The following SUPT6H variants were observed in gnomAD, a reference collection of about 807,000 sequenced individuals.
SUPT6H encodes transcription elongation factor SPT6.
SUPT6H carries 11 observed loss-of-function variants against 222.3 expected under a neutral mutation model. That is an observed-to-expected ratio of 0.05 (90% confidence interval 0.03 to 0.08). The LOEUF (loss-of-function observed/expected upper bound fraction) is 0.08. SUPT6H is among the 10% of genes least tolerant of loss of function. The probability of loss-of-function intolerance (pLI) is 1.00; values close to 1 mark genes in which losing one functional copy is unlikely to be tolerated. For missense variants in SUPT6H, 1,422 were observed against 2,216.0 expected, an observed-to-expected ratio of 0.64 and a Z score of 7.19; for synonymous variants, 762 against 801.2, an observed-to-expected ratio of 0.95 and a Z score of 0.83.
chr17:28,679,341 C>T (rs1597698461), intron 11 of SUPT6H, among the ~76,000 whole-genome samples: 1 of 152,192 alleles, frequency 6.6e-6, no homozygotes, highest in East Asian at 1.9e-4. Flanking sequence ...CCACTGCTCT[C>T]CAGCCTGGGC....
In SUPT6H at chr17:28,684,736, A is replaced by AT. The variant is rs1272427785; in HGVS notation, c.2369+16dup. ...TTTCTCCTCTGCCAGGTAACAGCCTATTTTTGCCTCCCCAGCACCATCTCT... is the reference window on the plus strand; with the variant it reads ...TTTCTCCTCTGCCAGGTAACAGCCTATTTTTTGCCTCCCCAGCACCATCTCT... On this transcript the variant is annotated intron_variant, in intron 18 of 36. Transcript: ENST00000314616. The AT allele has an allele frequency of 6.2e-7, 1 of 1,614,044 alleles. No individual in the cohort carries two copies. The highest frequency in any genetic ancestry group is 8.5e-7 in the Non-Finnish European group (1 of 1,179,954).
At chr17:28,699,177 C>G (rs1451939028) in intron 32 of SUPT6H, among the ~76,000 whole-genome samples, 2 of 152,302 alleles carry the variant, frequency 1.3e-5, no homozygotes, top group East Asian at 3.9e-4. Context: ...TCTGTGCATT[C>G]TCATTTATCC....
At chr17:28,687,267 C>T (rs2031430079) in intron 22 of SUPT6H, 37 bp from the exon 23 acceptor site, 1 of 1,614,000 alleles carries the variant, frequency 6.2e-7, no homozygotes, top group Non-Finnish European at 8.5e-7. Flanking sequence ...AAGGGAAAGG[C>T]AGAGTAACCT....
chr17:28,676,644 A>G (rs1713744642), intron 7 of SUPT6H, among the ~76,000 whole-genome samples: 2 of 152,198 alleles, frequency 1.3e-5, no homozygotes. Context: ...TGTGAAATGC[A>G]GTCTGGGTGC....
chr17:28,684,923 C>T lies in SUPT6H; in HGVS notation c.2449C>T (p.Arg817Trp), dbSNP rs754179448. ...CCTTCGACTGCCCCATTTTACCAAA[C>T]GGCGAACTGCATGGAGAGAGGAAGA... ...DFLRLPHFTK[R>W]RTAWREEERE... The change falls in exon 19 of 37, where the codon CGG becomes TGG. Residue 817 changes from arginine to tryptophan, a missense_variant. Coordinates refer to ENST00000314616, the MANE Select transcript of SUPT6H (RefSeq NM_003170.5). 11 of 1,614,018 alleles carry T rather than the reference C, an allele frequency of 6.8e-6. No homozygotes were observed. The highest frequency in any genetic ancestry group is 3.3e-5 in the Admixed American group (2 of 59,984).
rs548593855 is a variant in SUPT6H, at chr17:28,683,510, A to T, written c.2033+88A>T. ...AAGGGCCCCTCAGGAGTGGGGAACCACAATTTCAGAGTTGAGCAGGCTGTT... is the reference window on the plus strand; with the variant it reads ...AAGGGCCCCTCAGGAGTGGGGAACCTCAATTTCAGAGTTGAGCAGGCTGTT... On this transcript the variant is annotated intron_variant, in intron 16 of 36. Coordinates refer to ENST00000314616, the MANE Select transcript of SUPT6H (RefSeq NM_003170.5). 6.9e-6 allele frequency: 11 copies of T among 1,587,198 alleles called. No homozygotes were observed. The East Asian group carries it at 2.5e-4, about 36-fold the overall frequency.
rs756901877 is a variant in SUPT6H at position 28,701,064 on chromosome 17, C to T, written c.4930C>T (p.Pro1644Ser). The change falls in exon 36 of 37, where the codon CCA (proline) becomes TCA (serine). Residue 1644 changes from proline to serine, a missense_variant. Physicochemically the swap from Pro to Ser is moderately conservative, Grantham distance 74. This residue lies in a region of SUPT6H where 395 missense variants were observed against 580.6 expected (regional missense o/e 0.68). Transcript: ENST00000314616. ...CCACCAGCTCCAGGCCAGCACCACC[C>T]CACAGTCGGCCCAGGCCCAGCCCCA... ...QYHQLQASTTPQSAQAQPQPS... is the reference protein window; with the variant it reads ...QYHQLQASTTSQSAQAQPQPS... The T allele has an allele frequency of 1.2e-6, 2 of 1,614,048 alleles. No individual in the cohort carries two copies. The highest frequency in any genetic ancestry group is 1.1e-5 in the South Asian group (1 of 91,076).
At chr17:28,679,487 T>C (rs1454365756) in intron 11 of SUPT6H, among the ~76,000 whole-genome samples, 1 of 152,076 alleles carries the variant, frequency 6.6e-6, no homozygotes, top group Non-Finnish European at 1.5e-5. Context: ...AATTCAAGGT[T>C]GCAGTGAGCT....
chr17:28,674,238 A>G (rs1357431718), intron 2 of SUPT6H, 45 bp from the exon 3 acceptor site: 2 of 1,611,296 alleles, frequency 1.2e-6, no homozygotes, highest in Admixed American at 1.7e-5. Flanking sequence ...CTGAACCTCT[A>G]GCCTGTTTTT....
intron 27 of SUPT6H, chr17:28,691,455 G>C (rs972412412): frequency 4.0e-5 from 7 of 172,914 alleles, no homozygotes; most frequent in African/African-American, 1.7e-4. Flanking sequence ...GAACCGAGGA[G>C]GCGGAGTTTG....
rs142868050 is a variant in SUPT6H, at chr17:28,695,718, C to T, written c.3970+171C>T. Among the ~76,000 whole-genome samples, 131 of 152,240 alleles carry T rather than the reference C, an allele frequency of 8.6e-4. No homozygotes were observed. In the East Asian group the frequency reaches 0.022, roughly 25 times the overall value. On this transcript the variant is annotated intron_variant, in intron 29 of 36. Transcript: ENST00000314616. ...AAAAAGTCATAGGTAGGGCTGGAACCCAGAGTCTCTTGGGTCACATTTTCT... is the reference window on the plus strand; with the variant it reads ...AAAAAGTCATAGGTAGGGCTGGAACTCAGAGTCTCTTGGGTCACATTTTCT...
intron 1 of SUPT6H, among the ~76,000 whole-genome samples, chr17:28,667,010 A>C (rs1403637770): frequency 6.6e-6 from 1 of 152,032 alleles, no homozygotes; most frequent in Non-Finnish European, 1.5e-5. Context: ...ACTTTTATCT[A>C]TTAAACTTTT....
chr17:28,701,079 G>T lies in SUPT6H; in HGVS notation c.4945G>T (p.Ala1649Ser). 1 of 1,613,536 alleles carries T rather than the reference G, an allele frequency of 6.2e-7. No homozygotes were observed. ...CAGCACCACCCCACAGTCGGCCCAG[G>T]CCCAGCCCCAGCCCTCTTCCAGCTC... ...QASTTPQSAQAQPQPSSSSRQ... is the reference protein window; with the variant it reads ...QASTTPQSAQSQPQPSSSSRQ... Residue 1649 changes from alanine to serine, a missense_variant, in exon 36 of 37, where the codon GCC (alanine) becomes TCC (serine). This residue lies in a region of SUPT6H where 395 missense variants were observed against 580.6 expected (regional missense o/e 0.68). Transcript: ENST00000314616.
chr17:28,693,583 A>G (rs1203118364), intron 27 of SUPT6H, 113 bp from the exon 28 acceptor site: 2 of 1,273,214 alleles, frequency 1.6e-6, no homozygotes, highest in East Asian at 2.3e-5. Flanking sequence ...TTTTCAGATC[A>G]TGGTGCAAGG....
At chr17:28,681,819 G>A (rs1053768469) in intron 12 of SUPT6H, 63 bp from the exon 13 acceptor site, 2 of 1,444,788 alleles carry the variant, frequency 1.4e-6, no homozygotes, top group African/African-American at 1.4e-5. Context: ...CTCTCCTAAT[G>A]TGTCAGATCC....
rs897919382 is a variant in SUPT6H, at chr17:28,673,423, G to A, written c.22G>A (p.Glu8Lys). 4 of 1,614,066 alleles carry A rather than the reference G, an allele frequency of 2.5e-6. No individual in the cohort carries two copies. The highest frequency in any genetic ancestry group is 3.4e-6 in the Non-Finnish European group (4 of 1,179,968). ...AGCAATGTCTGATTTTGTGGAAAGC[G>A]AGGCTGAGGAGTCAGAGGAAGAATA... MSDFVESEAEESEEEYND... is the reference protein window; with the variant it reads MSDFVESKAEESEEEYND... Residue 8 changes from glutamate (E) to lysine (K), a missense_variant, in exon 2 of 37, where the codon GAG becomes AAG. Transcript: ENST00000314616.
In SUPT6H at chr17:28,696,873, T is replaced by A; in HGVS notation, c.4000T>A (p.Ser1334Thr). The A allele has an allele frequency of 6.2e-7, 1 of 1,613,922 alleles. No homozygotes were observed. The highest frequency in any genetic ancestry group is 1.1e-5 in the South Asian group (1 of 91,064). The change falls in exon 30 of 37, where the codon TCC becomes ACC. Residue 1334 changes from serine (S) to threonine (T), a missense_variant. Ser to Thr is a moderately conservative substitution (Grantham distance 58). Coordinates refer to ENST00000314616, the MANE Select transcript of SUPT6H (RefSeq NM_003170.5). ...CATCAAGAGAGTGATCGCACACCCA[T>A]CCTTCCATAATATCAATTTCAAGCA... ...TYIKRVIAHP[S>T]FHNINFKQAE... is the part of the protein sequence containing the mutation.
chr17:28,687,552 C>G (rs2031448448), intron 23 of SUPT6H, 81 bp downstream of exon 23: 1 of 1,457,784 alleles, frequency 6.9e-7, no homozygotes, highest in African/African-American at 1.4e-5. Context: ...TATAATTTGA[C>G]AGATTGGGAG....
chr17:28,692,740 G>A (rs1261835229), intron 27 of SUPT6H, among the ~76,000 whole-genome samples: 2 of 147,800 alleles, frequency 1.4e-5, no homozygotes, highest in Non-Finnish European at 3.0e-5. Flanking sequence ...AGTGGCTCAC[G>A]CCTATAATCC....
Sources: gnomAD v4.1 joint callset for allele counts (sites outside exome capture counted in the v4.1 genomes callset) on GRCh38, gnomAD v4.1.1 for gene constraint, gnomAD v4.1.1 regional missense constraint, MANE v1.5 for transcripts, NCBI Gene and HGNC (gene_info 2026-07-23, HGNC 2026-07-21) for gene names.